The following MTMR3 variants were observed in gnomAD, a reference collection of about 807,000 sequenced individuals.
MTMR3 encodes the protein myotubularin related protein 3.
A neutral mutation model predicts 132.4 loss-of-function variants in MTMR3; 32 were observed. That is an observed-to-expected ratio of 0.24 (90% CI 0.18 to 0.32). The LOEUF (loss-of-function observed/expected upper bound fraction) is 0.32, where lower values mean the gene tolerates loss of function less well. MTMR3 is among the 10% of genes least tolerant of loss of function. The probability of loss-of-function intolerance (pLI) is 1.00; values close to 1 mark genes in which losing one functional copy is unlikely to be tolerated. For synonymous variants in MTMR3, 556 were observed against 550.3 expected (o/e 1.01, Z -0.14); for missense variants, 1,216 against 1,489.6 (o/e 0.82, Z 3.02).
chr22:30,001,907 A>G (rs2067183421), intron 8 of MTMR3: 1 of 152,140 alleles, frequency 6.6e-6, no homozygotes, highest in South Asian at 2.1e-4. Flanking sequence ...TTAGTGCAAA[A>G]TGATCAAAAC....
At position 29,897,695 on chromosome 22, in the gene MTMR3, C is replaced by T. The variant is rs186050390; in HGVS notation, c.-138+14336C>T. 2.6e-3 allele frequency among the ~76,000 whole-genome samples: 400 copies of T among 152,190 alleles called. 3 individuals are homozygous for T. The highest frequency in any genetic ancestry group is 9.2e-3 in the African/African-American group (383 of 41,518). Reference sequence around the variant, plus strand: ...TTTGAACTGGCCTCAAGTGATCTGCCCATCTTGGCCCCCCAAAGGGCTGGG... The same window carrying T: ...TTTGAACTGGCCTCAAGTGATCTGCTCATCTTGGCCCCCCAAAGGGCTGGG... On this transcript the variant is annotated intron_variant, in intron 1 of 19. Transcript: ENST00000401950.
intron 1 of MTMR3, among the ~76,000 whole-genome samples, chr22:29,928,655 G>C (rs2065575819): frequency 1.3e-5 from 2 of 151,914 alleles, no homozygotes; most frequent in Admixed American, 6.6e-5. Flanking sequence ...CAACCTGTTG[G>C]TGTGAAGTTT....
chr22:29,993,029 C>G (rs1601389625), intron 7 of MTMR3: 1 of 152,158 alleles, frequency 6.6e-6, no homozygotes, highest in East Asian at 1.9e-4. Context: ...GGACTTAAAA[C>G]CAGTTCTCAG....
chr22:29,948,562 C>T (rs891472414), intron 1 of MTMR3, among the ~76,000 whole-genome samples: 1 of 152,150 alleles, frequency 6.6e-6, no homozygotes, highest in African/African-American at 2.4e-5. Context: ...TATACATGGG[C>T]GTACTCTTGA....
chr22:30,018,274 C>A (rs998492742), intron 16 of MTMR3: 10 of 550,856 alleles, frequency 1.8e-5, no homozygotes, highest in Middle Eastern at 4.7e-4. Context: ...TGAGTTAGGC[C>A]CTGTTGCTTC....
chr22:29,895,568 G>T (rs1311590532), intron 1 of MTMR3, among the ~76,000 whole-genome samples: 7 of 152,198 alleles, frequency 4.6e-5, no homozygotes, highest in African/African-American at 1.7e-4. Flanking sequence ...AAACTTCGTA[G>T]CCCAATTCAA....
In MTMR3 at chr22:30,025,824, G is replaced by T; in HGVS notation, c.*23G>T. 1 of 1,612,832 alleles carries T rather than the reference G, an allele frequency of 6.2e-7. No individual in the cohort carries two copies. Among genetic ancestry groups the T allele is most frequent in the Non-Finnish European group, 8.5e-7 (1 of 1,179,590 alleles). ...TGAAGCTCAGTGACCTGGGTGGGCA[G>T]TGGCCAAGCTGCTGTTCCTATGACA... On this transcript the variant is annotated 3_prime_UTR_variant, in exon 20 of 20. Transcript: ENST00000401950.
intron 1 of MTMR3, among the ~76,000 whole-genome samples, chr22:29,942,106 T>C (rs2065867991): frequency 6.6e-6 from 1 of 152,198 alleles, no homozygotes; most frequent in South Asian, 2.1e-4. Context: ...TCACCTCCGA[T>C]ATTTCACGTA....
chr22:30,005,193 C>A (rs1020084702), intron 9 of MTMR3: 1 of 152,190 alleles, frequency 6.6e-6, no homozygotes, highest in Admixed American at 6.5e-5. Flanking sequence ...AGGGCTTTAT[C>A]TGTTGGACAT....
At chr22:30,004,416 G>C (rs1474929600) in intron 9 of MTMR3, 1 of 152,154 alleles carries the variant, frequency 6.6e-6, no homozygotes, top group African/African-American at 2.4e-5. Flanking sequence ...GGCTTTAGGT[G>C]AATTCTCCCT....
intron 1 of MTMR3, among the ~76,000 whole-genome samples, chr22:29,936,722 TG>T (rs2065757115): frequency 6.6e-6 from 1 of 152,200 alleles, no homozygotes; most frequent in Admixed American, 6.5e-5. Flanking sequence ...TAATCTGTAG[TG>T]GAACATTATT....
chr22:30,025,910 A>T lies in MTMR3; in HGVS notation c.*109A>T. 5 of 1,149,998 alleles carry T rather than the reference A, an allele frequency of 4.3e-6. No individual in the cohort carries two copies. Among genetic ancestry groups the T allele is most frequent in the Non-Finnish European group, 6.3e-6 (5 of 787,806 alleles). 71.2% of individuals were successfully genotyped at this position (1,149,998 alleles called of 1,614,324 possible). A position where few individuals can be genotyped will look rare whatever the true frequency, so the allele number is the denominator to read the frequency against. ...CACTTTGGAATGGGAGCGTGGAACC[A>T]CCTGTACAGAGTGACAGATTTGGGA... On this transcript the variant is annotated 3_prime_UTR_variant, in exon 20 of 20. Transcript: ENST00000401950.
Position 30,029,008 on chromosome 22 carries a change from G to C in MTMR3, c.*3207G>C, listed in dbSNP as rs1322701881. ...TAAAACACTGGCATGGCCTAGGAAG[G>C]GCGTTGCGAGCTCCTAAATGGAAAG... On this transcript the variant is annotated 3_prime_UTR_variant, in exon 20 of 20. Coordinates refer to ENST00000401950, the MANE Select transcript of MTMR3 (RefSeq NM_021090.4). The C allele has an allele frequency of 6.6e-6, 1 of 152,406 alleles. No homozygotes were observed. The highest frequency in any genetic ancestry group is 1.5e-5 in the Non-Finnish European group (1 of 68,092). 9.4% of individuals were successfully genotyped at this position (152,406 alleles called of 1,614,324 possible).
intron 1 of MTMR3, among the ~76,000 whole-genome samples, chr22:29,908,553 C>T (rs950115762): frequency 1.4e-4 from 22 of 152,094 alleles, no homozygotes; most frequent in Admixed American, 3.3e-4. Flanking sequence ...CATGGCTATA[C>T]GTTGTTCTAG....
chr22:29,991,754 A>C (rs1429594249), intron 7 of MTMR3, 84 bp downstream of exon 7: 1 of 1,361,404 alleles, frequency 7.3e-7, no homozygotes, highest in African/African-American at 1.5e-5. Context: ...TGGGACACCT[A>C]AGCATTCATA....
chr22:30,022,550 G>T (rs1437159636), intron 18 of MTMR3, 59 bp from the exon 19 acceptor site: 3 of 1,473,566 alleles, frequency 2.0e-6, no homozygotes, highest in African/African-American at 1.4e-5. Flanking sequence ...GCATGGCTCT[G>T]CTGGCTCCAG....
intron 12 of MTMR3, chr22:30,011,663 T>C (rs41161): frequency 0.71 from 108,092 of 152,308 alleles, 39,451 homozygotes; most frequent in South Asian, 0.87. Flanking sequence ...GCGCCCGGCC[T>C]CTAAAAGTCT....
rs1033041260 is a variant in MTMR3, at chr22:30,019,534, G to A, written c.1875G>A (p.Val625=). 4.3e-6 allele frequency: 7 copies of A among 1,611,804 alleles called. No individual in the cohort carries two copies. The Middle Eastern group carries it at 1.2e-3, about 266-fold the overall frequency. ...DNLTTACDNT[V]PLASRRCSDP... is the part of the protein sequence containing the mutation. ...TGACCACAGCCTGTGACAACACAGTGCCTCTGGCCAGCCGGCGCTGCAGCG... is the reference window on the plus strand; with the variant it reads ...TGACCACAGCCTGTGACAACACAGTACCTCTGGCCAGCCGGCGCTGCAGCG... Residue 625 remains valine (V), a synonymous_variant, in exon 17 of 20, where the codon GTG becomes GTA. Transcript: ENST00000401950.
Position 30,020,702 on chromosome 22 carries a change from C to G in MTMR3, c.3043C>G (p.Leu1015Val). 1 of 1,614,248 alleles carries G rather than the reference C, an allele frequency of 6.2e-7. No homozygotes were observed. The highest frequency in any genetic ancestry group is 1.6e-4 in the Middle Eastern group (1 of 6,062). The change falls in exon 17 of 20, where the codon CTG becomes GTG. Residue 1015 changes from leucine (L) to valine (V), a missense_variant. Leu to Val is a conservative substitution (Grantham distance 32). Coordinates refer to ENST00000401950, the MANE Select transcript of MTMR3 (RefSeq NM_021090.4). The stretch of plus-strand genomic sequence containing the variant: ...CCCCGACCAGCCTTCCCGCAGCCAC[C>G]TGGACGATGATGGCATGTCAGTGTA... ...SSPDQPSRSHLDDDGMSVYTD... is the reference protein window; with the variant it reads ...SSPDQPSRSHVDDDGMSVYTD...
Sources: allele counts gnomAD v4.1 joint callset (sites outside exome capture counted in the v4.1 genomes callset), GRCh38; gene constraint gnomAD v4.1.1; transcripts MANE v1.5; gene names NCBI Gene and HGNC (gene_info 2026-07-23, HGNC 2026-07-21).